The following TNFRSF19 variants were observed in gnomAD, a reference collection of about 807,000 sequenced individuals.
TNFRSF19 encodes tumor necrosis factor receptor superfamily member 19.
A neutral mutation model predicts 46.4 loss-of-function variants in TNFRSF19; 27 were observed. The ratio of observed to expected loss-of-function variants is 0.58; its 90% confidence interval spans 0.43 to 0.80. The LOEUF (loss-of-function observed/expected upper bound fraction) is 0.80, where lower values mean the gene tolerates loss of function less well. TNFRSF19 is among the 30% of genes least tolerant of loss of function. The probability of loss-of-function intolerance (pLI) is 0.00; values close to 1 mark genes in which losing one functional copy is unlikely to be tolerated. For synonymous variants in TNFRSF19, 204 were observed against 205.0 expected (o/e 1.00, Z 0.04); for missense variants, 511 against 530.8 (o/e 0.96, Z 0.37).
rs1395962618 is a variant in TNFRSF19, at chr13:23,590,245, G to A, written c.62G>A (p.Gly21Asp). Reference protein sequence around the residue: ...KTFFTLLVLLGYLSCKVTCES... With the variant: ...KTFFTLLVLLDYLSCKVTCES... Reference sequence around the variant, plus strand: ...TTTTTCACTCTTTTAGTATTACTAGGCTATTTGGTAAGTAAAGTCCTTTTT... The same window carrying A: ...TTTTTCACTCTTTTAGTATTACTAGACTATTTGGTAAGTAAAGTCCTTTTT... Residue 21 changes from glycine to aspartate, a missense_variant, in exon 2 of 10, where the codon GGC becomes GAC. Around this residue, in one of 3 missense-constraint regions of TNFRSF19, gnomAD observed 121 missense variants for 124.1 expected, o/e 0.98. Transcript: ENST00000248484. The A allele has an allele frequency of 2.5e-6, 4 of 1,582,346 alleles. No homozygotes were observed. Among genetic ancestry groups the A allele is most frequent in the Non-Finnish European group, 3.4e-6 (4 of 1,163,256 alleles).
chr13:23,634,475 T>C (rs898805650), intron 5 of TNFRSF19, among the ~76,000 whole-genome samples: 17 of 152,190 alleles, frequency 1.1e-4, no homozygotes, highest in Admixed American at 9.2e-4. Context: ...TAAATGTTTT[T>C]CAGATTAAGT....
At chr13:23,633,849 C>G (rs900428435) in intron 5 of TNFRSF19, among the ~76,000 whole-genome samples, 1 of 152,008 alleles carries the variant, frequency 6.6e-6, no homozygotes, top group Non-Finnish European at 1.5e-5. Flanking sequence ...AACTCCATCT[C>G]AAAACATAAG....
chr13:23,597,282 C>G (rs865971636), intron 3 of TNFRSF19, among the ~76,000 whole-genome samples: 5 of 151,630 alleles, frequency 3.3e-5, no homozygotes, highest in Admixed American at 6.6e-5. Flanking sequence ...ACCAAAAAAC[C>G]CTTTAAAAAT....
chr13:23,622,679 A>G (rs1249643670), intron 4 of TNFRSF19, among the ~76,000 whole-genome samples: 1 of 152,130 alleles, frequency 6.6e-6, no homozygotes, highest in Non-Finnish European at 1.5e-5. Flanking sequence ...TAAAAGATGG[A>G]TTTCTGTATC....
At chr13:23,576,972 T>C (rs1032667092) in intron 1 of TNFRSF19, among the ~76,000 whole-genome samples, 1 of 152,248 alleles carries the variant, frequency 6.6e-6, no homozygotes, top group African/African-American at 2.4e-5. Flanking sequence ...ATGCTAGGCA[T>C]TGTAAGAGGA....
chr13:23,606,113 G>C (rs971830286), intron 3 of TNFRSF19, among the ~76,000 whole-genome samples: 1 of 152,260 alleles, frequency 6.6e-6, no homozygotes, highest in East Asian at 1.9e-4. Context: ...AAAAACTGCT[G>C]TAAAAAATTG....
rs115520634 is a variant in TNFRSF19 at position 23,668,886 on chromosome 13, C to A, written c.1034C>A (p.Thr345Lys). The A allele has an allele frequency of 1.9e-6, 3 of 1,614,250 alleles. No individual in the cohort carries two copies. The highest frequency in any genetic ancestry group is 2.5e-6 in the Non-Finnish European group (3 of 1,180,052). ...HSLNPELESS[T>K]SLDSNSSQDL... Reference sequence around the variant, plus strand: ...CTCAATCCAGAACTTGAAAGCTCAACGTCTTTGGATTCAAATAGCAGTCAA... The same window carrying A: ...CTCAATCCAGAACTTGAAAGCTCAAAGTCTTTGGATTCAAATAGCAGTCAA... Residue 345 changes from threonine (T) to lysine (K), a missense_variant, in exon 9 of 10, where the codon ACG becomes AAG. Transcript: ENST00000248484.
In TNFRSF19 at chr13:23,659,120, C is replaced by G. The variant is rs749086084; in HGVS notation, c.516C>G (p.Ala172=). The G allele has an allele frequency of 4.3e-6, 7 of 1,614,052 alleles. No homozygotes were observed. The highest frequency in any genetic ancestry group is 1.3e-5 in the African/African-American group (1 of 75,064). Reference sequence around the variant, plus strand: ...GCCCACGGGACACGGCGCTGGCTGCCGTTATCTGCAGCGCTCTGGCCACCG... The same window carrying G: ...GCCCACGGGACACGGCGCTGGCTGCGGTTATCTGCAGCGCTCTGGCCACCG... ...ASSPRDTALA[A]VICSALATVL... The change falls in exon 6 of 10, where the codon GCC becomes GCG. Residue 172 remains alanine, a synonymous_variant. Transcript: ENST00000248484. This position sits in a 1 kb window ranked among gnomAD's most constrained non-coding sequence, Gnocchi z 4.9.
chr13:23,595,891 AT>A (rs1879685371), intron 3 of TNFRSF19, among the ~76,000 whole-genome samples: 1 of 152,260 alleles, frequency 6.6e-6, no homozygotes, highest in African/African-American at 2.4e-5. Context: ...AGGGAAACCC[AT>A]CGGACTAACA....
chr13:23,609,790 G>A (rs1880772469), intron 3 of TNFRSF19, among the ~76,000 whole-genome samples: 1 of 152,164 alleles, frequency 6.6e-6, no homozygotes, highest in African/African-American at 2.4e-5. Context: ...AAATTAATTT[G>A]TAAGCATAAA....
intron 1 of TNFRSF19, among the ~76,000 whole-genome samples, chr13:23,587,683 C>T (rs1326302594): frequency 6.6e-6 from 1 of 152,130 alleles, no homozygotes; most frequent in Non-Finnish European, 1.5e-5. Context: ...CTGAGGAGCC[C>T]TGTTATGGAG....
chr13:23,574,061 CAAA>C (rs67057644), intron 1 of TNFRSF19, among the ~76,000 whole-genome samples: 2 of 95,388 alleles, frequency 2.1e-5, no homozygotes, highest in African/African-American at 8.3e-5. Context: ...GACTCTGTCT[CAAA>C]AAAAAAAAAA....
At chr13:23,671,895 C>A (rs528214906) in intron 9 of TNFRSF19, among the ~76,000 whole-genome samples, 16 of 121,510 alleles carry the variant, frequency 1.3e-4, no homozygotes, top group Admixed American at 1.1e-3. Flanking sequence ...TTCAGCAGCT[C>A]ACTATTATGA....
chr13:23,624,451 T>C (rs1414214697), intron 4 of TNFRSF19, among the ~76,000 whole-genome samples: 2 of 152,170 alleles, frequency 1.3e-5, no homozygotes, highest in Admixed American at 1.3e-4. Flanking sequence ...AAATAGAATG[T>C]TGAGCAATTT....
At chr13:23,603,862 A>T (rs1880335222) in intron 3 of TNFRSF19, among the ~76,000 whole-genome samples, 1 of 152,020 alleles carries the variant, frequency 6.6e-6, no homozygotes, top group Admixed American at 6.6e-5. Flanking sequence ...TACAACAACC[A>T]CAACAAAACC....
chr13:23,573,007 G>C (rs1025158793), intron 1 of TNFRSF19, among the ~76,000 whole-genome samples: 1 of 152,004 alleles, frequency 6.6e-6, no homozygotes, highest in African/African-American at 2.4e-5. Context: ...TGTGAAGTGA[G>C]GGAGTTGATC....
chr13:23,602,118 A>G (rs1004087952), intron 3 of TNFRSF19, among the ~76,000 whole-genome samples: 5 of 152,170 alleles, frequency 3.3e-5, no homozygotes, highest in Non-Finnish European at 7.4e-5. Flanking sequence ...TCTGTGGTCT[A>G]CAAGAACCCA....
At chr13:23,653,679 C>T (rs955309761) in intron 5 of TNFRSF19, among the ~76,000 whole-genome samples, 1 of 152,020 alleles carries the variant, frequency 6.6e-6, no homozygotes, top group Non-Finnish European at 1.5e-5. Context: ...GTTGGGGGCA[C>T]GTGCTTTGGA....
chr13:23,610,809 A>T lies in TNFRSF19; in HGVS notation c.181-5058A>T, dbSNP rs1265151769. 4.6e-5 allele frequency among the ~76,000 whole-genome samples: 7 copies of T among 152,056 alleles called. No homozygotes were observed. The East Asian group carries it at 1.4e-3, about 29-fold the overall frequency. ...GGAAGTAAGTAGGGGCCCTATAATA[A>T]TGCCTTTTTTTGCATTATTATTTTA... On this transcript the variant is annotated intron_variant, in intron 3 of 9. Coordinates refer to ENST00000248484, the MANE Select transcript of TNFRSF19 (RefSeq NM_148957.4).
Sources: gnomAD v4.1 joint callset for allele counts (sites outside exome capture counted in the v4.1 genomes callset) on GRCh38, gnomAD v4.1.1 for gene constraint, gnomAD v4.1.1 regional missense constraint, Gnocchi (gnomAD v3.1) non-coding constraint, MANE v1.5 for transcripts, NCBI Gene and HGNC (gene_info 2026-07-23, HGNC 2026-07-21) for gene names.